The following CHMP4A variants were observed in gnomAD, a reference collection of about 807,000 sequenced individuals.
CHMP4A encodes the protein charged multivesicular body protein 4A.
CHMP4A carries 29 observed loss-of-function variants against 28.2 expected under a neutral mutation model. The observed-to-expected ratio is 1.03, with a 90% CI of 0.77 to 1.40. The LOEUF is 1.40. Among genes scored for constraint, CHMP4A ranks in the 40% most tolerant of loss-of-function variants. The pLI is 0.00. For synonymous variants in CHMP4A, 88 were observed against 99.3 expected, an observed-to-expected ratio of 0.89 and a Z score of 0.67; for missense variants, 241 against 263.5, an observed-to-expected ratio of 0.91 and a Z score of 0.59.
Position 24,209,877 on chromosome 14 carries a change from T to C in CHMP4A, c.669A>G (p.Ter223TrpextTer1), listed in dbSNP as rs1198467833. Reference protein sequence around the residue: ...ALKQLAEWVS* With the variant: ...ALKQLAEWVSW ...CATTAGGAAGACAAGCCCAGATTTA[T>C]CAGGATACCCACTCAGCCAACTGCT... Residue 223 changes from the stop codon to tryptophan, a stop_lost, in exon 6 of 6, where the codon TGA becomes TGG. Transcript: ENST00000347519. The C allele has an allele frequency of 1.2e-6, 2 of 1,613,886 alleles. No homozygotes were observed. Among genetic ancestry groups the C allele is most frequent in the Non-Finnish European group, 1.7e-6 (2 of 1,179,756 alleles).
Position 24,211,795 on chromosome 14 carries a change from T to C in CHMP4A, c.66A>G (p.Ala22=). 6.2e-7 allele frequency: 1 copy of C among 1,614,184 alleles called. No individual in the cohort carries two copies. Residue 22 remains alanine, a synonymous_variant, in exon 2 of 6, where the codon GCA becomes GCG. Coordinates refer to ENST00000347519, the MANE Select transcript of CHMP4A (RefSeq NM_014169.5). ...KKEKGPTPEE[A]IQKLKETEKI... ...TCTCTGTCTCCTTCAGTTTCTGTAT[T>C]GCTTCTTCAGGGGTTGGCCCTTTCT...
In CHMP4A at chr14:24,209,756, G is replaced by A; in HGVS notation, c.*121C>T. 1 of 891,422 alleles carries A rather than the reference G, an allele frequency of 1.1e-6. No individual in the cohort carries two copies. The highest frequency in any genetic ancestry group is 1.9e-6 in the Non-Finnish European group (1 of 540,412). 55.2% of individuals were successfully genotyped at this position (891,422 alleles called of 1,614,324 possible). A position where few individuals can be genotyped will look rare whatever the true frequency, so the allele number is the denominator to read the frequency against. On this transcript the variant is annotated 3_prime_UTR_variant, in exon 6 of 6. Transcript: ENST00000347519. ...GGGTAAGAGACCCTTTTTTCAGGCA[G>A]GGTCACACTACCACCCTCAGCATGA...
In CHMP4A at chr14:24,209,739, G is replaced by A. The variant is rs1063799; in HGVS notation, c.*138C>T. The stretch of plus-strand genomic sequence containing the variant: ...TTGAGCCAGGGCTGGGAGGGTAAGA[G>A]ACCCTTTTTTCAGGCAGGGTCACAC... On this transcript the variant is annotated 3_prime_UTR_variant, in exon 6 of 6. Transcript: ENST00000347519. The A allele has an allele frequency of 2.6e-6, 2 of 781,830 alleles. No homozygotes were observed. The highest frequency in any genetic ancestry group is 1.5e-5 in the South Asian group (1 of 64,938). 48.4% of individuals were successfully genotyped at this position (781,830 alleles called of 1,614,324 possible). A position where few individuals can be genotyped will look rare whatever the true frequency, so the allele number is the denominator to read the frequency against.
At position 24,212,738 on chromosome 14, in the gene CHMP4A, TG is replaced by T. The variant is rs1199177898; in HGVS notation, c.31+670del. The T allele has an allele frequency of 2.6e-3, 477 of 183,594 alleles. 9 individuals are homozygous for T. Among genetic ancestry groups the T allele is most frequent in the Non-Finnish European group, 1.0e-3 (92 of 88,142 alleles). The allele number at this position is 183,594 out of a possible 1,614,324, so 11.4% of individuals were successfully genotyped here. A position where few individuals can be genotyped will look rare whatever the true frequency, so the allele number is the denominator to read the frequency against. On this transcript the variant is annotated intron_variant, in intron 1 of 5. Transcript: ENST00000347519. Reference sequence around the variant, plus strand: ...AACCAGCTAATTTTTTTTTTTTTTTTGTATTTTTAGTAGAGACAAGGTTTCA... The same window carrying T: ...AACCAGCTAATTTTTTTTTTTTTTTTTATTTTTAGTAGAGACAAGGTTTCA...
At position 24,211,680 on chromosome 14, in the gene CHMP4A, C is replaced by A; in HGVS notation, c.181G>T (p.Ala61Ser). 6.2e-7 allele frequency: 1 copy of A among 1,613,652 alleles called. No homozygotes were observed. The highest frequency in any genetic ancestry group is 8.5e-7 in the Non-Finnish European group (1 of 1,179,792). Residue 61 changes from alanine to serine, a missense_variant and splice_region_variant, in exon 2 of 6, where the codon GCT (alanine) becomes TCT (serine). Physicochemically the swap from Ala to Ser is moderately conservative, Grantham distance 99. Coordinates refer to ENST00000347519, the MANE Select transcript of CHMP4A (RefSeq NM_014169.5). ...AKKYGTKNKR[A>S]ALQALRRKKR... ...CCCATAGGCTTGTTTCCCTCATTAC[C>A]TCTCTTATTCTTGGTCCCATACTTC...
intron 1 of CHMP4A, chr14:24,212,571 T>G (rs1484488033): frequency 1.1e-5 from 4 of 359,124 alleles, no homozygotes; most frequent in Non-Finnish European, 2.1e-5. Context: ...TTTTTTTTTT[T>G]GAGAATGGAG....
At chr14:24,211,275 G>T in intron 3 of CHMP4A, 140 bp downstream of exon 3, 1 of 700,806 alleles carries the variant, frequency 1.4e-6, no homozygotes, top group Non-Finnish European at 2.3e-6. Flanking sequence ...TTTATAGGAA[G>T]CAAGGGGCAG....
At chr14:24,210,006 T>A (rs1371812228) in intron 5 of CHMP4A, 71 bp from the exon 6 acceptor site, 1 of 1,352,612 alleles carries the variant, frequency 7.4e-7, no homozygotes, top group Non-Finnish European at 1.1e-6. Context: ...AACCATCCCC[T>A]GCTATGACAT....
In CHMP4A at chr14:24,210,456, G is replaced by A; in HGVS notation, c.502C>T (p.Leu168=). 1.2e-6 allele frequency: 2 copies of A among 1,613,992 alleles called. No homozygotes were observed. The highest frequency in any genetic ancestry group is 1.7e-6 in the Non-Finnish European group (2 of 1,179,984). The part of the protein sequence containing the change: ...EDELLEELEE[L]EQEELAQELL... The stretch of plus-strand genomic sequence containing the variant: ...TCCTGGGCCAATTCCTCCTGCTCCA[G>A]CTCCTCTAGCTCCTCCAGCAGTTCA... The change falls in exon 5 of 6, where the codon CTG becomes TTG. Residue 168 remains leucine, a synonymous_variant. Transcript: ENST00000347519.
Position 24,210,355 on chromosome 14 carries a change from T to C in CHMP4A, c.603A>G (p.Ala201=), listed in dbSNP as rs2039580752. ...LPSVPSTHLP[A]GPAPKVDEDE... Reference sequence around the variant, plus strand: ...CAGAACAACCCTGCATACCTGGCCCTGCCGGCAGATGAGTAGAAGGTACAC... The same window carrying C: ...CAGAACAACCCTGCATACCTGGCCCCGCCGGCAGATGAGTAGAAGGTACAC... Residue 201 remains alanine (A), a synonymous_variant, in exon 5 of 6, where the codon GCA becomes GCG. Transcript: ENST00000347519. 6.2e-7 allele frequency: 1 copy of C among 1,613,854 alleles called. No homozygotes were observed. The highest frequency in any genetic ancestry group is 8.5e-7 in the Non-Finnish European group (1 of 1,179,978).
At chr14:24,212,700 C>G (rs1027210506) in intron 1 of CHMP4A, 2 of 191,522 alleles carry the variant, frequency 1.0e-5, no homozygotes, top group Non-Finnish European at 2.1e-5. Flanking sequence ...GGACTACAGG[C>G]GCGTGCCACC....
At chr14:24,212,554 A>AT (rs71119066) in intron 1 of CHMP4A, 1,456 of 315,436 alleles carry the variant, frequency 4.6e-3, no homozygotes, top group East Asian at 0.01. Context: ...TGCCCACCTA[A>AT]TTTTTTTTTT....
At chr14:24,210,622 G>T in intron 4 of CHMP4A, 32 bp downstream of exon 4, 1 of 1,597,842 alleles carries the variant, frequency 6.3e-7, no homozygotes, top group Non-Finnish European at 8.6e-7. Flanking sequence ...CATACTTTCT[G>T]CAATATTCCC....
chr14:24,211,528 T>C lies in CHMP4A; in HGVS notation c.246A>G (p.Thr82=), dbSNP rs1332261911. The C allele has an allele frequency of 3.1e-6, 5 of 1,614,136 alleles. No individual in the cohort carries two copies. In the South Asian group the frequency reaches 3.3e-5, roughly 11 times the overall value. ...FEQQLAQTDG[T]LSTLEFQREA... is the part of the protein sequence containing the mutation. ...CACGCTGAAACTCCAGGGTGGATAA[T>C]GTCCCGTCAGTTTGTGCCAGCTGCT... The change falls in exon 3 of 6, where the codon ACA becomes ACG. Residue 82 remains threonine, a synonymous_variant. Transcript: ENST00000347519.
chr14:24,211,764 G>C lies in CHMP4A; in HGVS notation c.97C>G (p.Leu33Val), dbSNP rs1387575321. 1.9e-6 allele frequency: 3 copies of C among 1,614,166 alleles called. No individual in the cohort carries two copies. The East Asian group carries it at 6.7e-5, about 36-fold the overall frequency. ...TCCAAAAATTCCTGTTTCTTGATCA[G>C]TATCTTCTCTGTCTCCTTCAGTTTC... ...IQKLKETEKILIKKQEFLEQK... is the reference protein window; with the variant it reads ...IQKLKETEKIVIKKQEFLEQK... Residue 33 changes from leucine (L) to valine (V), a missense_variant, in exon 2 of 6, where the codon CTG becomes GTG. Transcript: ENST00000347519.
At chr14:24,210,800 G>A (rs17693590) in intron 3 of CHMP4A, 32 bp from the exon 4 acceptor site, 66,269 of 1,497,660 alleles carry the variant, frequency 0.044, 1,749 homozygotes, top group Non-Finnish European at 0.052. Flanking sequence ...AAGAAATCAC[G>A]CAACAATGCC....
rs2039574430 is a variant in CHMP4A at position 24,209,789 on chromosome 14, A to C, written c.*88T>G. 7.4e-7 allele frequency: 1 copy of C among 1,345,350 alleles called. No individual in the cohort carries two copies. Among genetic ancestry groups the C allele is most frequent in the Non-Finnish European group, 1.1e-6 (1 of 937,004 alleles). The allele number at this position is 1,345,350 out of a possible 1,614,324, so 83.3% of individuals were successfully genotyped here. A position where few individuals can be genotyped will look rare whatever the true frequency, so the allele number is the denominator to read the frequency against. ...CTACCACCCTCAGCATGACTTCCCC[A>C]AAAAGTTATCCTCCTTTAGCTCAGC... On this transcript the variant is annotated 3_prime_UTR_variant, in exon 6 of 6. Transcript: ENST00000347519.
At chr14:24,211,652 C>G in intron 2 of CHMP4A, 28 bp downstream of exon 2, 1 of 1,612,166 alleles carries the variant, frequency 6.2e-7, no homozygotes, top group Non-Finnish European at 8.5e-7. Context: ...CATCTGGGCC[C>G]TCCCCATAGG....
chr14:24,211,641 C>G, intron 2 of CHMP4A, 39 bp downstream of exon 2: 5 of 1,610,656 alleles, frequency 3.1e-6, no homozygotes, highest in Non-Finnish European at 4.2e-6. Flanking sequence ...CACCTGCTTC[C>G]CATCTGGGCC....
Sources: gnomAD v4.1 joint callset for allele counts on GRCh38, gnomAD v4.1.1 for gene constraint, MANE v1.5 for transcripts, NCBI Gene and HGNC (gene_info 2026-07-23, HGNC 2026-07-21) for gene names.